RSU1: variants seen among roughly 807,000 people sequenced by gnomAD.
RSU1 encodes the protein Ras suppressor protein 1.
A neutral mutation model predicts 31.1 loss-of-function variants in RSU1; 26 were observed. That is an observed-to-expected ratio of 0.84 (90% CI 0.61 to 1.16). The LOEUF (loss-of-function observed/expected upper bound fraction) is 1.16. Ranked by LOEUF, RSU1 falls within the 50% of genes most tolerant of loss-of-function variation. The pLI, the probability that RSU1 is intolerant of heterozygous loss-of-function variation, is 0.00. For missense variants in RSU1, 320 were observed against 339.1 expected (o/e 0.94, Z 0.44); for synonymous variants, 164 against 136.3 (o/e 1.20, Z -1.41).
At chr10:16,722,648 T>A (rs202018803) in intron 7 of RSU1, among the ~76,000 whole-genome samples, 1 of 151,942 alleles carries the variant, frequency 6.6e-6, no homozygotes, top group South Asian at 2.1e-4. Flanking sequence ...ATATTATGGG[T>A]CTACATAGCA....
At chr10:16,736,551 C>A (rs78631345) in intron 7 of RSU1, among the ~76,000 whole-genome samples, 4 of 151,950 alleles carry the variant, frequency 2.6e-5, no homozygotes, top group African/African-American at 7.3e-5. Flanking sequence ...TGAAACCCAA[C>A]AGACCATAAA....
chr10:16,646,381 T>A (rs534001284), intron 8 of RSU1, among the ~76,000 whole-genome samples: 40 of 152,168 alleles, frequency 2.6e-4, no homozygotes, highest in Non-Finnish European at 2.4e-4. Context: ...GAGCCGTGGT[T>A]TATTCATCCT....
At chr10:16,815,934 C>G (rs561320028) in intron 2 of RSU1, among the ~76,000 whole-genome samples, 4 of 152,180 alleles carry the variant, frequency 2.6e-5, no homozygotes, top group Non-Finnish European at 4.4e-5. Flanking sequence ...GCAACAGGTT[C>G]AGAATGGCTG....
chr10:16,773,743 G>A (rs190237894), intron 3 of RSU1, among the ~76,000 whole-genome samples: 1 of 152,294 alleles, frequency 6.6e-6, no homozygotes, highest in East Asian at 1.9e-4. Flanking sequence ...CCCACAGGCT[G>A]TGGGGTGCCT....
At position 16,796,754 on chromosome 10, in the gene RSU1, T is replaced by C. The variant is rs564084974; in HGVS notation, c.110-14670A>G. ...GGAAACGTGGAGGCAGCATGGCAGA[T>C]TTTAGGAATCCTGAAACCCTACATC... On this transcript the variant is annotated intron_variant, in intron 2 of 8. Coordinates refer to ENST00000345264, the MANE Select transcript of RSU1 (RefSeq NM_012425.4). Among the ~76,000 whole-genome samples the C allele has an allele frequency of 2.0e-5, 3 of 152,242 alleles. No individual in the cohort carries two copies. The South Asian group carries it at 6.2e-4, about 32-fold the overall frequency.
chr10:16,803,458 C>G (rs79112775), intron 2 of RSU1, among the ~76,000 whole-genome samples: 2,706 of 152,136 alleles, frequency 0.018, 72 homozygotes, highest in East Asian at 0.082. Flanking sequence ...CAATTCCAGT[C>G]AAAATACCAG....
In RSU1 at chr10:16,590,720, A is replaced by G. The variant is rs541344642; in HGVS notation, c.*2674T>C. 1 of 152,348 alleles carries G rather than the reference A, an allele frequency of 6.6e-6. No homozygotes were observed. Among genetic ancestry groups the G allele is most frequent in the South Asian group, 2.1e-4 (1 of 4,830 alleles). The allele number at this position is 152,348 out of a possible 1,614,324, so 9.4% of individuals were successfully genotyped here. ...AATAAGTAAAATTCTAGAAAGTCTTAGTTCACAATACAGAGATAATTTAAC... is the reference window on the plus strand; with the variant it reads ...AATAAGTAAAATTCTAGAAAGTCTTGGTTCACAATACAGAGATAATTTAAC... On this transcript the variant is annotated 3_prime_UTR_variant, in exon 9 of 9. Transcript: ENST00000345264.
chr10:16,623,978 A>G (rs1354800356), intron 8 of RSU1, among the ~76,000 whole-genome samples: 1 of 152,060 alleles, frequency 6.6e-6, no homozygotes, highest in Non-Finnish European at 1.5e-5. Flanking sequence ...TTGGGCTCTG[A>G]AGTCAAAATG....
At chr10:16,722,855 T>C (rs12359882) in intron 7 of RSU1, among the ~76,000 whole-genome samples, 14,251 of 50,660 alleles carry the variant, frequency 0.28, 1,144 homozygotes, top group East Asian at 0.42. Flanking sequence ...TATACACACA[T>C]ATATACATAT....
intron 7 of RSU1, among the ~76,000 whole-genome samples, chr10:16,712,670 C>T (rs1239953109): frequency 6.6e-6 from 1 of 152,008 alleles, no homozygotes; most frequent in Admixed American, 6.6e-5. Flanking sequence ...TATTTGTAGC[C>T]ACTAAGTGTG....
intron 3 of RSU1, among the ~76,000 whole-genome samples, chr10:16,775,920 C>A (rs1026617295): frequency 6.6e-6 from 1 of 152,132 alleles, no homozygotes; most frequent in African/African-American, 2.4e-5. Flanking sequence ...TGTTAAAATG[C>A]GAACAGCAAG....
At chr10:16,807,800 G>C (rs1263066469) in intron 2 of RSU1, among the ~76,000 whole-genome samples, 1 of 152,016 alleles carries the variant, frequency 6.6e-6, no homozygotes, top group African/African-American at 2.4e-5. Context: ...GAGGCAGGCG[G>C]ATCATGATGT....
At chr10:16,725,295 C>T (rs1421190238) in intron 7 of RSU1, among the ~76,000 whole-genome samples, 2 of 152,192 alleles carry the variant, frequency 1.3e-5, no homozygotes, top group East Asian at 1.9e-4. Flanking sequence ...CAAGTTAGCC[C>T]CCAGTATCAC....
chr10:16,617,174 A>G (rs187321126), intron 8 of RSU1, among the ~76,000 whole-genome samples: 1 of 152,378 alleles, frequency 6.6e-6, no homozygotes, highest in East Asian at 1.9e-4. Context: ...AATCACAAGC[A>G]TTCCTATACA....
intron 8 of RSU1, among the ~76,000 whole-genome samples, chr10:16,597,328 C>A (rs889252255): frequency 6.6e-6 from 1 of 152,174 alleles, no homozygotes; most frequent in African/African-American, 2.4e-5. Flanking sequence ...TCCACTGTTT[C>A]AGTCTCTGCC....
intron 7 of RSU1, among the ~76,000 whole-genome samples, chr10:16,713,577 T>C (rs931941413): frequency 2.0e-5 from 3 of 152,206 alleles, no homozygotes; most frequent in Admixed American, 2.0e-4. Context: ...CATTTCTCAT[T>C]CGGATGATGA....
At chr10:16,695,640 A>C (rs1835659075) in intron 7 of RSU1, among the ~76,000 whole-genome samples, 1 of 152,234 alleles carries the variant, frequency 6.6e-6, no homozygotes, top group Non-Finnish European at 1.5e-5. Flanking sequence ...GTATAAGAGC[A>C]TAAGCACATC....
intron 8 of RSU1, among the ~76,000 whole-genome samples, chr10:16,682,194 T>G (rs1835338214): frequency 6.6e-6 from 1 of 152,168 alleles, no homozygotes; most frequent in Admixed American, 6.5e-5. Flanking sequence ...GACTCCACAC[T>G]CTATAGGGCA....
intron 8 of RSU1, among the ~76,000 whole-genome samples, chr10:16,638,067 G>A (rs1369814175): frequency 6.6e-6 from 1 of 152,134 alleles, no homozygotes; most frequent in East Asian, 1.9e-4. Context: ...TAAAATTTGA[G>A]TGGTGGCCAG....
Sources: allele counts gnomAD v4.1 joint callset (sites outside exome capture counted in the v4.1 genomes callset), GRCh38; gene constraint gnomAD v4.1.1; transcripts MANE v1.5; gene names NCBI Gene and HGNC (gene_info 2026-07-23, HGNC 2026-07-21).